The following C1QL1 variants were observed in gnomAD, a reference collection of about 807,000 sequenced individuals.
C1QL1 encodes complement C1q like 1.
Under a neutral mutation model 14.2 loss-of-function variants are expected in C1QL1, and 15 were observed. The ratio of observed to expected loss-of-function variants is 1.06; its 90% CI spans 0.71 to 1.62. The LOEUF (loss-of-function observed/expected upper bound fraction) is 1.62. C1QL1 is among the 40% of genes most tolerant of loss of function. The pLI is 0.00. For synonymous variants in C1QL1, 172 were observed against 172.4 expected, an observed-to-expected ratio of 1.00 and a Z score of 0.02; for missense variants, 346 against 380.3, an observed-to-expected ratio of 0.91 and a Z score of 0.75.
In C1QL1 at chr17:44,960,116, G is replaced by T; in HGVS notation, c.*72C>A. ...GGCAGCGAGCGGGTGGGCGAGGGGC[G>T]AGTCATCGTCTGCCCCGCCCGGAGG... On this transcript the variant is annotated 3_prime_UTR_variant, in exon 2 of 2. Transcript: ENST00000253407. 7.2e-7 allele frequency: 1 copy of T among 1,391,404 alleles called. No homozygotes were observed. The highest frequency in any genetic ancestry group is 1.0e-6 in the Non-Finnish European group (1 of 987,980). The allele number at this position is 1,391,404 out of a possible 1,614,324, so 86.2% of individuals were successfully genotyped here.
chr17:44,962,225 G>A (rs1365364687), intron 1 of C1QL1, among the ~76,000 whole-genome samples: 3 of 152,156 alleles, frequency 2.0e-5, no homozygotes, highest in African/African-American at 7.2e-5. Flanking sequence ...TAGGGGAGGG[G>A]CCCATCCTCT....
chr17:44,960,320 G>T lies in C1QL1; in HGVS notation c.645C>A (p.Tyr215Ter), dbSNP rs145060137. Reference protein sequence around the residue: ...IAQDADQNYDYASNSVILHLD... With the variant: ...IAQDADQNYD ...GGTGCAGGATCACGCTGTTGCTGGC[G>T]TAGTCGTAGTTCTGGTCCGCGTCCT... The change falls in exon 2 of 2, where the codon TAC becomes TAA. Residue 215 changes from tyrosine (Y) to a stop codon, truncating the protein, a stop_gained. Transcript: ENST00000253407. LOFTEE classifies it high-confidence loss of function. The T allele has an allele frequency of 1.2e-6, 2 of 1,614,004 alleles. No individual in the cohort carries two copies. The highest frequency in any genetic ancestry group is 1.7e-6 in the Non-Finnish European group (2 of 1,180,036).
In C1QL1 at chr17:44,960,096, C is replaced by T; in HGVS notation, c.*92G>A. ...GTCATAGCCGGGGAGGGCCGGGCAGCGAGCGGGTGGGCGAGGGGCGAGTCA... is the reference window on the plus strand; with the variant it reads ...GTCATAGCCGGGGAGGGCCGGGCAGTGAGCGGGTGGGCGAGGGGCGAGTCA... On this transcript the variant is annotated 3_prime_UTR_variant, in exon 2 of 2. Transcript: ENST00000253407. The T allele has an allele frequency of 8.5e-7, 1 of 1,182,024 alleles. No homozygotes were observed. Among genetic ancestry groups the T allele is most frequent in the Non-Finnish European group, 1.2e-6 (1 of 804,742 alleles). The allele number at this position is 1,182,024 out of a possible 1,614,324, so 73.2% of individuals were successfully genotyped here.
intron 1 of C1QL1, among the ~76,000 whole-genome samples, chr17:44,964,304 TTC>T (rs999979302): frequency 2.2e-4 from 33 of 152,178 alleles, no homozygotes; most frequent in Non-Finnish European, 7.4e-5. Context: ...AGATACAAGC[TTC>T]TCTCTTTTGT....
At position 44,967,490 on chromosome 17, in the gene C1QL1, C is replaced by T. The variant is rs765428222; in HGVS notation, c.559G>A (p.Gly187Ser). The part of the protein sequence containing the change: ...TYHVLMRGGD[G>S]TSMWADLCKN... ...CAGAGGTCTGCCCACATACTGGTGCCGTCGCCGCCGCGCATGAGGACATGG... is the reference window on the plus strand; with the variant it reads ...CAGAGGTCTGCCCACATACTGGTGCTGTCGCCGCCGCGCATGAGGACATGG... Residue 187 changes from glycine to serine, a missense_variant, in exon 1 of 2, where the codon GGC becomes AGC. Gly to Ser is a moderately conservative substitution (Grantham distance 56, BLOSUM62 0). Coordinates refer to ENST00000253407, the MANE Select transcript of C1QL1 (RefSeq NM_006688.5). This position sits in a 1 kb window ranked among gnomAD's most constrained non-coding sequence, Gnocchi z 7.0. The T allele has an allele frequency of 1.2e-6, 2 of 1,613,852 alleles. No homozygotes were observed. Among genetic ancestry groups the T allele is most frequent in the Admixed American group, 1.7e-5 (1 of 60,006 alleles).
intron 1 of C1QL1, among the ~76,000 whole-genome samples, chr17:44,965,497 T>C (rs1341474824): frequency 6.6e-6 from 1 of 152,220 alleles, no homozygotes; most frequent in Non-Finnish European, 1.5e-5. Context: ...ATTAAAGTGC[T>C]GGGCCTTTGA....
chr17:44,968,077 G>A lies in C1QL1; in HGVS notation c.-29C>T. On this transcript the variant is annotated 5_prime_UTR_variant, in exon 1 of 2. It adds an upstream start codon to the 5' untranslated region. Coordinates refer to ENST00000253407, the MANE Select transcript of C1QL1 (RefSeq NM_006688.5). The stretch of plus-strand genomic sequence containing the variant: ...CACACCCGCGGCGGCCGCTAGCAGC[G>A]TCTTTCGGCCCGCGCGGAGCCTGGG... 7.9e-7 allele frequency: 1 copy of A among 1,270,156 alleles called. No individual in the cohort carries two copies. The highest frequency in any genetic ancestry group is 1.0e-6 in the Non-Finnish European group (1 of 1,003,872). 78.7% of individuals were successfully genotyped at this position (1,270,156 alleles called of 1,614,324 possible). A position where few individuals can be genotyped will look rare whatever the true frequency, so the allele number is the denominator to read the frequency against.
chr17:44,966,263 C>T (rs1403431782), intron 1 of C1QL1, among the ~76,000 whole-genome samples: 1 of 152,248 alleles, frequency 6.6e-6, no homozygotes, highest in Admixed American at 6.5e-5. Flanking sequence ...CTCACTTTCC[C>T]TGCCTGCCCC....
At chr17:44,961,104 A>G (rs2052625048) in intron 1 of C1QL1, among the ~76,000 whole-genome samples, 1 of 152,238 alleles carries the variant, frequency 6.6e-6, no homozygotes, top group South Asian at 2.1e-4. Flanking sequence ...TCAGGGTGGT[A>G]GAAAGGAACT....
rs534330821 is a variant in C1QL1 at position 44,967,355 on chromosome 17, G to C, written c.597+97C>G. 3.8e-6 allele frequency: 5 copies of C among 1,311,184 alleles called. No individual in the cohort carries two copies. Among genetic ancestry groups the C allele is most frequent in the African/African-American group, 1.5e-5 (1 of 67,500 alleles). 81.2% of individuals were successfully genotyped at this position (1,311,184 alleles called of 1,614,324 possible). A position where few individuals can be genotyped will look rare whatever the true frequency, so the allele number is the denominator to read the frequency against. ...TGGGGTGGGATCTCCACCTGCGTCC[G>C]CCTGGCGCCCCCGCCAACTCCGATC... On this transcript the variant is annotated intron_variant, in intron 1 of 1. Transcript: ENST00000253407. This position sits in a 1 kb window ranked among gnomAD's most constrained non-coding sequence, Gnocchi z 7.0.
At chr17:44,965,291 C>T (rs560906895) in intron 1 of C1QL1, among the ~76,000 whole-genome samples, 11 of 152,262 alleles carry the variant, frequency 7.2e-5, no homozygotes, top group South Asian at 4.1e-4. Context: ...GGATTACAGG[C>T]GTGAGCCACC....
chr17:44,962,880 T>A (rs1196891257), intron 1 of C1QL1, among the ~76,000 whole-genome samples: 1 of 152,214 alleles, frequency 6.6e-6, no homozygotes, highest in Non-Finnish European at 1.5e-5. Flanking sequence ...TATTTATTCA[T>A]CACCATGATT....
chr17:44,962,331 G>A, intron 1 of C1QL1, among the ~76,000 whole-genome samples: 1 of 152,200 alleles, frequency 6.6e-6, no homozygotes, highest in South Asian at 2.1e-4. Context: ...ATTTGCATGA[G>A]GGCCTCCCTT....
At chr17:44,960,463 A>G in intron 1 of C1QL1, 96 bp from the exon 2 acceptor site, 1 of 785,296 alleles carries the variant, frequency 1.3e-6, no homozygotes, top group Non-Finnish European at 2.1e-6. Flanking sequence ...CAGCAGACCC[A>G]GAAACCTGGC....
At chr17:44,960,409 A>G (rs773234606) in intron 1 of C1QL1, 42 bp from the exon 2 acceptor site, 12 of 1,455,424 alleles carry the variant, frequency 8.2e-6, no homozygotes, top group Non-Finnish European at 1.2e-5. Flanking sequence ...GAGGAGAGAG[A>G]GGATGAGAAG....
chr17:44,959,971 T>C lies in C1QL1; in HGVS notation c.*217A>G, dbSNP rs2052618064. ...GCTGGGCGGGGGCGGTCAACCCCGG[T>C]TCCCTGGCACGGGGACAGGGCGCGC... On this transcript the variant is annotated 3_prime_UTR_variant, in exon 2 of 2. Coordinates refer to ENST00000253407, the MANE Select transcript of C1QL1 (RefSeq NM_006688.5). The C allele has an allele frequency of 8.9e-6, 5 of 560,848 alleles. No homozygotes were observed. Among genetic ancestry groups the C allele is most frequent in the South Asian group, 2.1e-5 (1 of 46,752 alleles). The allele number at this position is 560,848 out of a possible 1,614,324, so 34.7% of individuals were successfully genotyped here.
Position 44,967,530 on chromosome 17 carries a change from G to A in C1QL1, c.519C>T (p.Thr173=), listed in dbSNP as rs367728707. Reference sequence around the variant, plus strand: ...TGAGGACATGGTAGGTGAAAAAGTAGGTGCCGGGAATGTTGCACGTAAACT... The same window carrying A: ...TGAGGACATGGTAGGTGAAAAAGTAAGTGCCGGGAATGTTGCACGTAAACT... ...SGKFTCNIPG[T]YFFTYHVLMR... is the part of the protein sequence containing the mutation. The change falls in exon 1 of 2, where the codon ACC becomes ACT. Residue 173 remains threonine, a synonymous_variant. Coordinates refer to ENST00000253407, the MANE Select transcript of C1QL1 (RefSeq NM_006688.5). The surrounding 1 kb of genome is among the most constrained non-coding windows in gnomAD (Gnocchi z 7.0). 2.5e-6 allele frequency: 4 copies of A among 1,613,980 alleles called. No individual in the cohort carries two copies. Among genetic ancestry groups the A allele is most frequent in the Non-Finnish European group, 3.4e-6 (4 of 1,179,956 alleles).
intron 1 of C1QL1, among the ~76,000 whole-genome samples, chr17:44,962,852 T>A (rs768299283): frequency 6.6e-6 from 1 of 151,290 alleles, no homozygotes; most frequent in Non-Finnish European, 1.5e-5. Flanking sequence ...GCATCAGAAC[T>A]GTTATGCTTA....
intron 1 of C1QL1, among the ~76,000 whole-genome samples, chr17:44,963,854 G>A (rs1048642185): frequency 1.3e-5 from 2 of 152,132 alleles, no homozygotes; most frequent in African/African-American, 4.8e-5. Flanking sequence ...CCCTGGATAA[G>A]CAGCACCCTG....
Sources: gnomAD v4.1 joint callset for allele counts (sites outside exome capture counted in the v4.1 genomes callset) on GRCh38, gnomAD v4.1.1 for gene constraint, Gnocchi (gnomAD v3.1) non-coding constraint, MANE v1.5 for transcripts, NCBI Gene and HGNC (gene_info 2026-07-23, HGNC 2026-07-21) for gene names.